Variants in NSG2 observed in about 807,000 individuals in gnomAD.
NSG2 encodes the protein neuronal vesicle trafficking associated 2.
In NSG2, 4 loss-of-function variants were observed where a neutral mutation model predicts 16.9. The ratio of observed to expected loss-of-function variants is 0.24; its 90% CI spans 0.12 to 0.54. The LOEUF is 0.54. Among genes scored for constraint, NSG2 ranks in the 20% least tolerant of loss-of-function variants. The pLI is 0.95. For synonymous variants in NSG2, 98 were observed against 88.7 expected, an observed-to-expected ratio of 1.11 and a Z score of -0.59; for missense variants, 179 against 221.1, an observed-to-expected ratio of 0.81 and a Z score of 1.21.
rs1055341494 is a variant in NSG2, at chr5:174,106,216, T to A, written c.325-1098T>A. 3.9e-5 allele frequency among the ~76,000 whole-genome samples: 6 copies of A among 152,326 alleles called. 1 individual carries two copies. The highest frequency in any genetic ancestry group is 1.9e-4 in the East Asian group (1 of 5,188). On this transcript the variant is annotated intron_variant, in intron 4 of 4. Coordinates refer to ENST00000303177, the MANE Select transcript of NSG2 (RefSeq NM_015980.5). ...AGGAAGGGATGGACGCAAGGCTTCT[T>A]CGGATCTATCTTCTTAAATATTTGT...
At chr5:174,067,917 T>C (rs1760171358) in intron 3 of NSG2, among the ~76,000 whole-genome samples, 1 of 151,940 alleles carries the variant, frequency 6.6e-6, no homozygotes, top group Non-Finnish European at 1.5e-5. Context: ...GGGGGGATGC[T>C]CTGAGTGTGA....
chr5:174,047,735 T>G (rs1759821412), intron 2 of NSG2, among the ~76,000 whole-genome samples: 1 of 152,154 alleles, frequency 6.6e-6, no homozygotes, highest in South Asian at 2.1e-4. Context: ...GAGGTGGGCA[T>G]TCACACAAAG....
chr5:174,091,892 C>G (rs1760727068), intron 3 of NSG2, among the ~76,000 whole-genome samples: 1 of 152,098 alleles, frequency 6.6e-6, no homozygotes, highest in Non-Finnish European at 1.5e-5. Context: ...ATCTGAAAAC[C>G]AGGAATATCA....
intron 2 of NSG2, among the ~76,000 whole-genome samples, chr5:174,049,305 A>G (rs1759850346): frequency 6.6e-6 from 1 of 152,188 alleles, no homozygotes. Flanking sequence ...GTGCCACTGC[A>G]CTCCAGCCTG....
chr5:174,088,492 G>C (rs1433608531), intron 3 of NSG2, among the ~76,000 whole-genome samples: 1 of 152,154 alleles, frequency 6.6e-6, no homozygotes, highest in African/African-American at 2.4e-5. Context: ...CCTATTCTCA[G>C]ATATGTGCAT....
intron 2 of NSG2, among the ~76,000 whole-genome samples, chr5:174,057,378 T>C (rs1011169884): frequency 6.6e-6 from 1 of 152,200 alleles, no homozygotes; most frequent in South Asian, 2.1e-4. Context: ...TTAATAACGA[T>C]TGGCTAACAT....
intron 2 of NSG2, among the ~76,000 whole-genome samples, chr5:174,051,102 G>C (rs1046999994): frequency 6.6e-6 from 1 of 152,118 alleles, no homozygotes. Context: ...CCATGGGGGC[G>C]ATTCTCTCTC....
At chr5:174,100,804 T>C (rs1760886602) in intron 3 of NSG2, among the ~76,000 whole-genome samples, 1 of 152,198 alleles carries the variant, frequency 6.6e-6, no homozygotes, top group Non-Finnish European at 1.5e-5. Context: ...GCTTGCTGGG[T>C]CCTGCACCAG....
intron 3 of NSG2, among the ~76,000 whole-genome samples, chr5:174,100,850 G>C (rs558386211): frequency 3.3e-5 from 5 of 152,356 alleles, no homozygotes; most frequent in Admixed American, 6.5e-5. Context: ...CTGTTGGCCA[G>C]GGGCCTTATC....
rs929682160 is a variant in NSG2 at position 174,072,896 on chromosome 5, G to A, written c.213+8581G>A. Among the ~76,000 whole-genome samples, 2 of 152,162 alleles carry A rather than the reference G, an allele frequency of 1.3e-5. No homozygotes were observed. The highest frequency in any genetic ancestry group is 2.4e-5 in the African/African-American group (1 of 41,440). On this transcript the variant is annotated intron_variant, in intron 3 of 4. Coordinates refer to ENST00000303177, the MANE Select transcript of NSG2 (RefSeq NM_015980.5). This position sits in a 1 kb window ranked among gnomAD's most constrained non-coding sequence, Gnocchi z 4.0. Reference sequence around the variant, plus strand: ...GCTGCTCAGGAGGCTGAGGCAGGAGGATCATCTGAGCCTGGGAGGTTGAGG... The same window carrying A: ...GCTGCTCAGGAGGCTGAGGCAGGAGAATCATCTGAGCCTGGGAGGTTGAGG...
intron 3 of NSG2, among the ~76,000 whole-genome samples, chr5:174,103,822 G>T (rs1760936620): frequency 6.6e-6 from 1 of 152,118 alleles, no homozygotes; most frequent in Non-Finnish European, 1.5e-5. Context: ...AAATTAGCCA[G>T]GTGTGGTGGT....
intron 3 of NSG2, among the ~76,000 whole-genome samples, chr5:174,080,448 C>T (rs185654699): frequency 1.2e-4 from 17 of 147,450 alleles, no homozygotes; most frequent in Admixed American, 6.0e-4. Context: ...GGAGATGCTA[C>T]GTCTTTAAAA....
intron 3 of NSG2, among the ~76,000 whole-genome samples, chr5:174,085,484 T>G (rs1760594132): frequency 6.6e-6 from 1 of 152,188 alleles, no homozygotes; most frequent in African/African-American, 2.4e-5. Flanking sequence ...CCTGAACGCT[T>G]GCTAGCCCTT....
Position 174,107,805 on chromosome 5 carries a change from A to G in NSG2, c.*300A>G. ...TTAAAGCCACTGCTTATTCTTTGTT[A>G]GGAAAATGTAACAGCAGAAAAGGAA... On this transcript the variant is annotated 3_prime_UTR_variant, in exon 5 of 5. Transcript: ENST00000303177. This position sits in a 1 kb window ranked among gnomAD's most constrained non-coding sequence, Gnocchi z 4.5. 1.8e-6 allele frequency: 1 copy of G among 566,206 alleles called. No individual in the cohort carries two copies. Among genetic ancestry groups the G allele is most frequent in the Non-Finnish European group, 3.3e-6 (1 of 300,380 alleles). 35.1% of individuals were successfully genotyped at this position (566,206 alleles called of 1,614,324 possible).
intron 2 of NSG2, among the ~76,000 whole-genome samples, chr5:174,060,328 A>G (rs1005174465): frequency 3.9e-5 from 6 of 152,172 alleles, no homozygotes; most frequent in Non-Finnish European, 8.8e-5. Context: ...TGTTTATAAA[A>G]ATAGAGAGGG....
At chr5:174,084,362 A>G (rs1028279481) in intron 3 of NSG2, among the ~76,000 whole-genome samples, 1 of 152,216 alleles carries the variant, frequency 6.6e-6, no homozygotes, top group Non-Finnish European at 1.5e-5. Flanking sequence ...TACTTAGCAT[A>G]GGTTTATCAA....
chr5:174,088,009 G>A (rs1453427077), intron 3 of NSG2, among the ~76,000 whole-genome samples: 1 of 151,994 alleles, frequency 6.6e-6, no homozygotes, highest in Non-Finnish European at 1.5e-5. Flanking sequence ...CAGTAAACAG[G>A]CCCTCCACAG....
intron 2 of NSG2, among the ~76,000 whole-genome samples, chr5:174,054,296 G>A (rs942822760): frequency 1.3e-5 from 2 of 152,214 alleles, no homozygotes; most frequent in Non-Finnish European, 2.9e-5. Context: ...AATGGGAATT[G>A]GGGTAGGTGC....
At chr5:174,101,382 T>A (rs1760893992) in intron 3 of NSG2, among the ~76,000 whole-genome samples, 1 of 152,210 alleles carries the variant, frequency 6.6e-6, no homozygotes. Context: ...TGTGCAACCA[T>A]CACCTCTGTC....
Sources: gnomAD v4.1 joint callset for allele counts (sites outside exome capture counted in the v4.1 genomes callset) on GRCh38, gnomAD v4.1.1 for gene constraint, Gnocchi (gnomAD v3.1) non-coding constraint, MANE v1.5 for transcripts, NCBI Gene and HGNC (gene_info 2026-07-23, HGNC 2026-07-21) for gene names.